ARHGAP44: variants seen among roughly 807,000 people sequenced by gnomAD.
ARHGAP44 encodes rho GTPase-activating protein 44.
ARHGAP44 carries 43 observed loss-of-function variants against 106.8 expected under a neutral mutation model. That is an observed-to-expected ratio of 0.40 (90% confidence interval 0.32 to 0.52). ARHGAP44 has a LOEUF of 0.52. Among genes scored for constraint, ARHGAP44 ranks in the 20% least tolerant of loss-of-function variants. The pLI is 0.48. For missense variants in ARHGAP44, 866 were observed against 1,050.5 expected, an observed-to-expected ratio of 0.82 and a Z score of 2.43; for synonymous variants, 439 against 410.3, an observed-to-expected ratio of 1.07 and a Z score of -0.85.
intron 2 of ARHGAP44, among the ~76,000 whole-genome samples, chr17:12,895,639 T>A (rs1364265604): frequency 1.3e-5 from 2 of 152,188 alleles, no homozygotes; most frequent in Admixed American, 6.5e-5. Flanking sequence ...ATAGGAACAC[T>A]TTTATGCTGT....
chr17:12,805,967 G>T (rs893876797), intron 1 of ARHGAP44, among the ~76,000 whole-genome samples: 1 of 152,168 alleles, frequency 6.6e-6, no homozygotes, highest in Non-Finnish European at 1.5e-5. Flanking sequence ...TCCCTTGAAA[G>T]GTGGTGTGAC....
chr17:12,886,722 T>C (rs1414684394), intron 1 of ARHGAP44, among the ~76,000 whole-genome samples: 1 of 152,154 alleles, frequency 6.6e-6, no homozygotes, highest in Non-Finnish European at 1.5e-5. Context: ...TAGACTATTA[T>C]ATCATCTGCA....
At position 12,991,425 on chromosome 17, in the gene ARHGAP44, G is replaced by GTTATTT. The variant is rs2040144891; in HGVS notation, c.*1257_*1262dup. On this transcript the variant is annotated 3_prime_UTR_variant, in exon 21 of 21. Coordinates refer to ENST00000379672, the MANE Select transcript of ARHGAP44 (RefSeq NM_014859.6). ...GTACAATGAAAAATTTAAATGCTTA[G>GTTATTT]TTATTTTTCCCAACACAGTGTAAAG... The GTTATTT allele has an allele frequency of 6.1e-6, 1 of 163,470 alleles. No homozygotes were observed. Among genetic ancestry groups the GTTATTT allele is most frequent in the Admixed American group, 6.4e-5 (1 of 15,506 alleles). 10.1% of individuals were successfully genotyped at this position (163,470 alleles called of 1,614,324 possible).
At chr17:12,847,752 G>A (rs1336578913) in intron 1 of ARHGAP44, among the ~76,000 whole-genome samples, 1 of 151,868 alleles carries the variant, frequency 6.6e-6, no homozygotes, top group Non-Finnish European at 1.5e-5. Flanking sequence ...TGATCCGCCC[G>A]CCTCGGCCTC....
intron 6 of ARHGAP44, among the ~76,000 whole-genome samples, chr17:12,926,155 A>G (rs2038221950): frequency 6.6e-6 from 1 of 152,034 alleles, no homozygotes; most frequent in African/African-American, 2.4e-5. Flanking sequence ...GCCTGAGGTC[A>G]GGAGTTCAAG....
intron 18 of ARHGAP44, among the ~76,000 whole-genome samples, chr17:12,974,596 C>T (rs1284254223): frequency 6.6e-6 from 1 of 152,118 alleles, no homozygotes; most frequent in Non-Finnish European, 1.5e-5. Context: ...ACTCTGTTTT[C>T]CCCTTCCTCT....
intron 1 of ARHGAP44, among the ~76,000 whole-genome samples, chr17:12,813,708 G>C (rs558954667): frequency 7.2e-5 from 11 of 152,260 alleles, no homozygotes; most frequent in African/African-American, 1.9e-4. Flanking sequence ...CACACAAAGA[G>C]AGTGTATCTT....
rs1317643090 is a variant in ARHGAP44, at chr17:12,896,598, TTTATGTAGCTGC to T, written c.198+91_198+102del. On this transcript the variant is annotated intron_variant, in intron 3 of 20. Coordinates refer to ENST00000379672, the MANE Select transcript of ARHGAP44 (RefSeq NM_014859.6). ...CCTGTGACACTCCTGGATGTAGCTG[TTTATGTAGCTGC>T]TTACGTGCCTGAGAATTGACTCAGC... The T allele has an allele frequency of 3.1e-5, 35 of 1,138,840 alleles. No homozygotes were observed. In the Admixed American group the frequency reaches 5.7e-4, roughly 18 times the overall value. The allele number at this position is 1,138,840 out of a possible 1,614,324, so 70.5% of individuals were successfully genotyped here.
intron 1 of ARHGAP44, among the ~76,000 whole-genome samples, chr17:12,834,280 T>G (rs1023970675): frequency 6.6e-6 from 1 of 152,206 alleles, no homozygotes; most frequent in African/African-American, 2.4e-5. Context: ...CATTCTTGAG[T>G]CTTCTTCCAT....
chr17:12,806,390 T>C (rs11868665), intron 1 of ARHGAP44, among the ~76,000 whole-genome samples: 4,052 of 152,226 alleles, frequency 0.027, 180 homozygotes, highest in African/African-American at 0.091. Flanking sequence ...GGGAATATCA[T>C]TGGGAGTTGG....
intron 1 of ARHGAP44, among the ~76,000 whole-genome samples, chr17:12,812,990 C>T (rs1428148546): frequency 6.6e-6 from 1 of 152,226 alleles, no homozygotes; most frequent in Non-Finnish European, 1.5e-5. Context: ...AGGTCCCATG[C>T]ACACATGCAA....
At chr17:12,939,111 G>A (rs2038634313) in intron 7 of ARHGAP44, among the ~76,000 whole-genome samples, 1 of 152,184 alleles carries the variant, frequency 6.6e-6, no homozygotes, top group African/African-American at 2.4e-5. Context: ...CTGCTGCGGG[G>A]AAGACAGACA....
At position 12,828,107 on chromosome 17, in the gene ARHGAP44, A is replaced by G. The variant is rs185165159; in HGVS notation, c.53+38216A>G. On this transcript the variant is annotated intron_variant, in intron 1 of 20. Transcript: ENST00000379672. ...AAATATTACATTGAATCATATGGCA[A>G]TGCTGATATTTGACCGTATTTTTGC... Among the ~76,000 whole-genome samples the G allele has an allele frequency of 1.4e-3, 218 of 152,074 alleles. No individual in the cohort carries two copies. In the Middle Eastern group the frequency reaches 0.021, roughly 14 times the overall value.
chr17:12,957,254 G>A (rs77547355), intron 15 of ARHGAP44, among the ~76,000 whole-genome samples: 12,205 of 152,234 alleles, frequency 0.08, 644 homozygotes, highest in Admixed American at 0.12. Context: ...CACTGTGCCC[G>A]GCCTGTAATC....
intron 13 of ARHGAP44, among the ~76,000 whole-genome samples, chr17:12,954,446 C>T (rs535617288): frequency 6.6e-6 from 1 of 152,320 alleles, no homozygotes; most frequent in South Asian, 2.1e-4. Context: ...ATGGGTTGGC[C>T]TAAGCTCTCA....
At chr17:12,979,395 C>T (rs2039775935) in intron 18 of ARHGAP44, among the ~76,000 whole-genome samples, 1 of 152,128 alleles carries the variant, frequency 6.6e-6, no homozygotes. Context: ...GGTCAGAGGC[C>T]AGAGCCCTCA....
intron 16 of ARHGAP44, among the ~76,000 whole-genome samples, chr17:12,972,374 G>T (rs58768153): frequency 6.6e-6 from 1 of 152,100 alleles, no homozygotes; most frequent in Non-Finnish European, 1.5e-5. Context: ...AAGGCCAGGC[G>T]TGGTGGCTCA....
At chr17:12,968,870 C>A (rs988629801) in intron 16 of ARHGAP44, among the ~76,000 whole-genome samples, 23 of 151,554 alleles carry the variant, frequency 1.5e-4, no homozygotes, top group African/African-American at 5.3e-4. Flanking sequence ...CCCGGGTTCA[C>A]GCCATTCTCC....
At chr17:12,804,653 G>A (rs1017794489) in intron 1 of ARHGAP44, among the ~76,000 whole-genome samples, 9 of 152,228 alleles carry the variant, frequency 5.9e-5, no homozygotes, top group Admixed American at 2.0e-4. Flanking sequence ...TGAAGTTCAA[G>A]TATTCCCCTT....
Sources: allele counts gnomAD v4.1 joint callset (sites outside exome capture counted in the v4.1 genomes callset), GRCh38; gene constraint gnomAD v4.1.1; transcripts MANE v1.5; gene names NCBI Gene and HGNC (gene_info 2026-07-23, HGNC 2026-07-21).